TANK: variants seen among roughly 807,000 people sequenced by gnomAD.
TANK encodes TRAF family member associated NFKB activator, also known as TRAF family member-associated NF-kappa-B activator.
In TANK, 15 loss-of-function variants were observed where a neutral mutation model predicts 43.6. The observed-to-expected ratio is 0.34, with a 90% CI of 0.23 to 0.53. The LOEUF (loss-of-function observed/expected upper bound fraction) is 0.53. TANK is among the 20% of genes least tolerant of loss of function. TANK has a pLI of 0.94. For missense variants in TANK, 417 were observed against 498.6 expected (o/e 0.84, Z 1.56); for synonymous variants, 162 against 178.2 (o/e 0.91, Z 0.73).
Position 161,140,079 on chromosome 2 carries a change from A to G in TANK, c.-50+3016A>G, listed in dbSNP as rs1683698893. On this transcript the variant is annotated intron_variant, in intron 1 of 7. Coordinates refer to the TANK transcript ENST00000259075. ...AAATTAGTCTATATTTTTATTTTCT[A>G]GAACATATCACTGATAGGTTTCAGT... 5 of 298,604 alleles carry G rather than the reference A, an allele frequency of 1.7e-5. No homozygotes were observed. The South Asian group carries it at 6.6e-4, about 40-fold the overall frequency. 18.5% of individuals were successfully genotyped at this position (298,604 alleles called of 1,614,324 possible).
At chr2:161,224,879 G>C in intron 6 of TANK, 133 bp downstream of exon 6, 1 of 543,188 alleles carries the variant, frequency 1.8e-6, no homozygotes, top group Middle Eastern at 4.8e-4. Flanking sequence ...ACGTATGTTT[G>C]AATGTGTACA....
chr2:161,230,587 A>AT (rs1179613545), intron 6 of TANK, among the ~76,000 whole-genome samples: 7 of 152,166 alleles, frequency 4.6e-5, no homozygotes, highest in Admixed American at 4.6e-4. Context: ...ACCTAGTAAG[A>AT]TTTTCCCTTT....
chr2:161,183,192 A>T (rs1447516384), intron 2 of TANK, among the ~76,000 whole-genome samples: 3 of 152,158 alleles, frequency 2.0e-5, no homozygotes, highest in Non-Finnish European at 4.4e-5. Context: ...AATCATTGTT[A>T]TTCTTTGTGA....
intron 6 of TANK, among the ~76,000 whole-genome samples, chr2:161,228,438 G>A (rs1320765248): frequency 6.6e-6 from 1 of 152,180 alleles, no homozygotes; most frequent in Non-Finnish European, 1.5e-5. Context: ...GGCTGAGGCA[G>A]GAGAATCACT....
At chr2:161,200,639 C>A in intron 2 of TANK, 1 of 712,638 alleles carries the variant, frequency 1.4e-6, no homozygotes, top group Non-Finnish European at 1.7e-6. Context: ...CATTACCTAT[C>A]TTTTGCATCC....
At chr2:161,147,911 TTCG>T (rs1683962545) in intron 1 of TANK, among the ~76,000 whole-genome samples, 1 of 152,226 alleles carries the variant, frequency 6.6e-6, no homozygotes, top group Non-Finnish European at 1.5e-5. Flanking sequence ...TATTTATCCA[TTCG>T]TCTGTTGATG....
chr2:161,232,909 G>C, intron 7 of TANK: 2 of 1,473,970 alleles, frequency 1.4e-6, no homozygotes, highest in Non-Finnish European at 9.1e-7. Flanking sequence ...TTAGATAATT[G>C]ATATTTTGGC....
rs1012097532 is a variant in TANK at position 161,235,386 on chromosome 2, A to C, written c.1146A>C (p.Val382=). 3 of 1,612,728 alleles carry C rather than the reference A, an allele frequency of 1.9e-6. No individual in the cohort carries two copies. The highest frequency in any genetic ancestry group is 1.3e-5 in the African/African-American group (1 of 74,814). Reference sequence around the variant, plus strand: ...CTAATCAAGACAGTGACTCGGTGGTACTAAGTGGCACAGACTCAGAACTGC... The same window carrying C: ...CTAATCAAGACAGTGACTCGGTGGTCCTAAGTGGCACAGACTCAGAACTGC... ...PFPNQDSDSV[V]LSGTDSELHI... Residue 382 remains valine (V), a synonymous_variant, in exon 8 of 8, where the codon GTA becomes GTC. Coordinates refer to ENST00000392749, the MANE Select transcript of TANK (RefSeq NM_001199135.3).
intron 2 of TANK, among the ~76,000 whole-genome samples, chr2:161,201,513 T>C (rs148140426): frequency 6.6e-6 from 1 of 152,210 alleles, no homozygotes; most frequent in East Asian, 1.9e-4. Context: ...ACTGGTTACT[T>C]AATCTCTGGA....
intron 4 of TANK, among the ~76,000 whole-genome samples, chr2:161,221,518 A>G (rs1206090862): frequency 1.3e-5 from 2 of 152,174 alleles, no homozygotes; most frequent in African/African-American, 4.8e-5. Flanking sequence ...GTTGCCATTG[A>G]TTATACTAAT....
chr2:161,204,565 C>T, intron 3 of TANK, 110 bp from the exon 4 acceptor site: 2 of 1,011,272 alleles, frequency 2.0e-6, no homozygotes, highest in Non-Finnish European at 2.9e-6. Context: ...AAACTCCTAC[C>T]TTAAAATGTA....
chr2:161,195,825 A>T (rs1172500458), intron 2 of TANK, among the ~76,000 whole-genome samples: 1 of 152,190 alleles, frequency 6.6e-6, no homozygotes, highest in Non-Finnish European at 1.5e-5. Flanking sequence ...TCATACCTGT[A>T]ATACTAGCAC....
rs993530397 is a variant in TANK at position 161,220,611 on chromosome 2, GA to G, written c.328-3295del. ...AAAGCGAGACTCTGTCTCAAAAAAG[GA>G]AAAAAAAATTCTGTAACTCAATTTT... On this transcript the variant is annotated intron_variant, in intron 4 of 7. Transcript: ENST00000392749. Among the ~76,000 whole-genome samples the G allele has an allele frequency of 8.0e-5, 12 of 150,198 alleles. 1 individual carries two copies. In the South Asian group the frequency reaches 1.7e-3, roughly 21 times the overall value.
intron 1 of TANK, among the ~76,000 whole-genome samples, chr2:161,142,302 T>C (rs536430358): frequency 6.6e-6 from 1 of 152,330 alleles, no homozygotes; most frequent in South Asian, 2.1e-4. Flanking sequence ...ATAATTTCTT[T>C]TGCTGTGCAG....
chr2:161,162,133 G>A (rs991051495), intron 1 of TANK, among the ~76,000 whole-genome samples: 4 of 151,876 alleles, frequency 2.6e-5, no homozygotes, highest in Admixed American at 6.6e-5. Context: ...CCTTAATATA[G>A]TAAATTCTCA....
chr2:161,230,866 A>G, intron 6 of TANK, 105 bp from the exon 7 acceptor site: 1 of 909,014 alleles, frequency 1.1e-6, no homozygotes, highest in Non-Finnish European at 1.7e-6. Context: ...CATTTGCTAT[A>G]AAAACCAATA....
At position 161,167,677 on chromosome 2, in the gene TANK, C is replaced by CAGTG. The variant is rs1684748665; in HGVS notation, c.-50+7192_-50+7195dup. ...TCTCTCTGTCACCCAGGCTGGAGTG[C>CAGTG]AGTGGCGCGATCTTGTCTCACTGCA... On this transcript the variant is annotated intron_variant, in intron 1 of 7. Coordinates refer to ENST00000392749, the MANE Select transcript of TANK (RefSeq NM_001199135.3). Among the ~76,000 whole-genome samples the CAGTG allele has an allele frequency of 1.3e-5, 2 of 152,058 alleles. 1 individual carries two copies. Among genetic ancestry groups the CAGTG allele is most frequent in the South Asian group, 4.2e-4 (2 of 4,816 alleles).
chr2:161,183,221 A>G (rs1174079063), intron 2 of TANK, among the ~76,000 whole-genome samples: 1 of 152,184 alleles, frequency 6.6e-6, no homozygotes, highest in Non-Finnish European at 1.5e-5. Flanking sequence ...TTGGTTTACA[A>G]AAGAATACTC....
upstream of TANK, among the ~76,000 whole-genome samples, chr2:161,157,515 G>A (rs111578905): frequency 5.9e-5 from 9 of 152,260 alleles, no homozygotes; most frequent in African/African-American, 1.7e-4. Context: ...AGATGTCATC[G>A]TAAATCAGAA....
Sources: gnomAD v4.1 joint callset for allele counts (sites outside exome capture counted in the v4.1 genomes callset) on GRCh38, gnomAD v4.1.1 for gene constraint, MANE v1.5 for transcripts, NCBI Gene and HGNC (gene_info 2026-07-23, HGNC 2026-07-21) for gene names.